RNF185: variants seen among roughly 807,000 people sequenced by gnomAD.
RNF185 encodes the protein ring finger protein 185.
A neutral mutation model predicts 24.9 loss-of-function variants in RNF185; 13 were observed. The observed-to-expected ratio is 0.52, with a 90% confidence interval of 0.34 to 0.83. The LOEUF (loss-of-function observed/expected upper bound fraction) is 0.83, where lower values mean the gene tolerates loss of function less well. Among genes scored for constraint, RNF185 ranks in the 40% least tolerant of loss-of-function variants. The pLI is 0.01. For synonymous variants in RNF185, 79 were observed against 90.3 expected, an observed-to-expected ratio of 0.88 and a Z score of 0.71; for missense variants, 184 against 244.7, an observed-to-expected ratio of 0.75 and a Z score of 1.65.
At chr22:31,198,130 T>C (rs2048224714) in intron 5 of RNF185, among the ~76,000 whole-genome samples, 1 of 152,244 alleles carries the variant, frequency 6.6e-6, no homozygotes, top group Non-Finnish European at 1.5e-5. Flanking sequence ...GCTGTGCATA[T>C]GTATTTTTAT....
At chr22:31,170,424 T>C (rs1388994616) in intron 1 of RNF185, among the ~76,000 whole-genome samples, 5 of 152,086 alleles carry the variant, frequency 3.3e-5, no homozygotes, top group Non-Finnish European at 4.4e-5. Flanking sequence ...CTCCTTACCT[T>C]GTGATCCACC....
rs1277657414 is a variant in RNF185 at position 31,171,391 on chromosome 22, G to A, written c.-49+11088G>A. On this transcript the variant is annotated intron_variant, in intron 1 of 6. Transcript: ENST00000326132. ...AGACAGGGTTTCACTATGTTGGCCA[G>A]GCTGGTCTTGAACTCCTGACCTCAG... is the stretch of plus-strand genomic sequence containing the variant. Among the ~76,000 whole-genome samples, 4 of 150,478 alleles carry A rather than the reference G, an allele frequency of 2.7e-5. No homozygotes were observed. In the South Asian group the frequency reaches 6.3e-4, roughly 24 times the overall value.
chr22:31,197,431 A>G (rs1035481348), intron 5 of RNF185, among the ~76,000 whole-genome samples: 8 of 152,182 alleles, frequency 5.3e-5, no homozygotes, highest in African/African-American at 1.9e-4. Flanking sequence ...TTTACTAACT[A>G]GCTGTTTAGC....
rs867926191 is a variant in RNF185, at chr22:31,205,836, G to T, written c.*1250G>T. On this transcript the variant is annotated 3_prime_UTR_variant, in exon 7 of 7. Coordinates refer to ENST00000326132, the MANE Select transcript of RNF185 (RefSeq NM_152267.4). ...GTGTGGTCTTCCCTCCTGTGGAATC[G>T]AGGGGAAATTATTCTTCCCAATACC... is the stretch of plus-strand genomic sequence containing the variant. 1 of 152,412 alleles carries T rather than the reference G, an allele frequency of 6.6e-6. No homozygotes were observed. Among genetic ancestry groups the T allele is most frequent in the Non-Finnish European group, 1.5e-5 (1 of 68,204 alleles). 9.4% of individuals were successfully genotyped at this position (152,412 alleles called of 1,614,324 possible). A position where few individuals can be genotyped will look rare whatever the true frequency, so the allele number is the denominator to read the frequency against.
chr22:31,188,208 GAATAT>G (rs2048118905), intron 2 of RNF185, among the ~76,000 whole-genome samples: 1 of 152,168 alleles, frequency 6.6e-6, no homozygotes, highest in Non-Finnish European at 1.5e-5. Flanking sequence ...TAGAGGTAAT[GAATAT>G]TTTTGAGCAG....
At chr22:31,189,280 CT>C (rs1050842065) in intron 2 of RNF185, among the ~76,000 whole-genome samples, 8 of 61,516 alleles carry the variant, frequency 1.3e-4, no homozygotes, top group East Asian at 5.8e-4. Context: ...TGTTGTATAT[CT>C]TTTTTTTTTT....
At chr22:31,179,411 G>A (rs1048868884) in intron 1 of RNF185, among the ~76,000 whole-genome samples, 1 of 152,188 alleles carries the variant, frequency 6.6e-6, no homozygotes, top group Non-Finnish European at 1.5e-5. Flanking sequence ...TGTAGGAGAA[G>A]GTGAGAAGAG....
At chr22:31,163,856 T>G (rs964899285) in intron 1 of RNF185, among the ~76,000 whole-genome samples, 1 of 151,756 alleles carries the variant, frequency 6.6e-6, no homozygotes, top group Non-Finnish European at 1.5e-5. Context: ...GTATTTTTAG[T>G]GGAGACGGGG....
intron 2 of RNF185, among the ~76,000 whole-genome samples, chr22:31,191,108 G>A (rs992954963): frequency 1.3e-5 from 2 of 152,170 alleles, no homozygotes; most frequent in Non-Finnish European, 2.9e-5. Flanking sequence ...ACATTTCTCA[G>A]AATTATCCCT....
intron 1 of RNF185, among the ~76,000 whole-genome samples, chr22:31,163,269 G>A (rs8135417): frequency 0.71 from 107,442 of 151,988 alleles, 39,061 homozygotes; most frequent in African/African-American, 0.88. Flanking sequence ...CACAGAGTCT[G>A]AAGTATTTAC....
intron 6 of RNF185, 146 bp downstream of exon 6, chr22:31,201,761 A>G: frequency 3.1e-6 from 2 of 648,644 alleles, no homozygotes; most frequent in Non-Finnish European, 5.4e-6. Flanking sequence ...CTGTTTTTAG[A>G]TCACTTACAG....
Position 31,201,625 on chromosome 22 carries a change from T to C in RNF185, c.481+10T>C. The C allele has an allele frequency of 1.3e-6, 2 of 1,570,622 alleles. No individual in the cohort carries two copies. Among genetic ancestry groups the C allele is most frequent in the Non-Finnish European group, 1.8e-6 (2 of 1,141,032 alleles). ...GGGCGGCCTCCTCCAGGTAAGACCC[T>C]ATTTCCTTGAGAAATTAGGAAGATA... On this transcript the variant is annotated intron_variant, in intron 6 of 6. Transcript: ENST00000326132.
At chr22:31,179,324 G>T (rs2048012309) in intron 1 of RNF185, among the ~76,000 whole-genome samples, 1 of 152,312 alleles carries the variant, frequency 6.6e-6, no homozygotes, top group Non-Finnish European at 1.5e-5. Context: ...TTCTGTAGGT[G>T]CTCAGTAGAC....
Position 31,206,787 on chromosome 22 carries a change from T to G in RNF185, c.*2201T>G, listed in dbSNP as rs949649443. The stretch of plus-strand genomic sequence containing the variant: ...CAGGGAGCCCCCTTCCCACCATCCC[T>G]CGGCAAGCTCACCACCTCATCCTTC... On this transcript the variant is annotated 3_prime_UTR_variant, in exon 7 of 7. Transcript: ENST00000326132. The G allele has an allele frequency of 7.2e-5, 11 of 152,158 alleles. No homozygotes were observed. The highest frequency in any genetic ancestry group is 2.7e-4 in the African/African-American group (11 of 41,424). 9.4% of individuals were successfully genotyped at this position (152,158 alleles called of 1,614,324 possible). A position where few individuals can be genotyped will look rare whatever the true frequency, so the allele number is the denominator to read the frequency against.
intron 1 of RNF185, among the ~76,000 whole-genome samples, chr22:31,182,610 C>G (rs138476339): frequency 9.2e-5 from 14 of 151,704 alleles, no homozygotes; most frequent in African/African-American, 3.4e-4. Flanking sequence ...AACAATAATT[C>G]CTTCATATCG....
chr22:31,202,894 G>A (rs1396180465), intron 6 of RNF185, among the ~76,000 whole-genome samples: 2 of 152,104 alleles, frequency 1.3e-5, no homozygotes, highest in African/African-American at 4.8e-5. Flanking sequence ...GATTACAGGC[G>A]TGAGCCACCG....
chr22:31,164,824 G>A (rs2147917063), intron 1 of RNF185, among the ~76,000 whole-genome samples: 1 of 152,114 alleles, frequency 6.6e-6, no homozygotes, highest in Non-Finnish European at 1.5e-5. Flanking sequence ...AACCTCAGGT[G>A]ATCCACCTGC....
At chr22:31,187,693 A>G (rs2048113432) in intron 2 of RNF185, among the ~76,000 whole-genome samples, 2 of 152,236 alleles carry the variant, frequency 1.3e-5, no homozygotes, top group South Asian at 2.1e-4. Context: ...GTTTGCAAGC[A>G]TTAAATGACT....
chr22:31,176,159 A>G (rs1288938435), intron 1 of RNF185, among the ~76,000 whole-genome samples: 1 of 152,132 alleles, frequency 6.6e-6, no homozygotes, highest in African/African-American at 2.4e-5. Context: ...CCATAAGTCC[A>G]CTGTCCGGAG....
Sources: allele counts gnomAD v4.1 joint callset (sites outside exome capture counted in the v4.1 genomes callset), GRCh38; gene constraint gnomAD v4.1.1; transcripts MANE v1.5; gene names NCBI Gene and HGNC (gene_info 2026-07-23, HGNC 2026-07-21).